The following MPRIP variants were observed in gnomAD, a reference collection of about 807,000 sequenced individuals.
MPRIP encodes the protein myosin phosphatase Rho interacting protein, also known as myosin phosphatase Rho-interacting protein.
A neutral mutation model predicts 234.9 loss-of-function variants in MPRIP; 59 were observed. That is an observed-to-expected ratio of 0.25 (90% CI 0.20 to 0.31). The LOEUF is 0.31. Ranked by LOEUF, MPRIP falls within the 10% of genes least tolerant of loss-of-function variation. MPRIP has a pLI of 1.00. For missense variants in MPRIP, 2,436 were observed against 3,071.0 expected, an observed-to-expected ratio of 0.79 and a Z score of 4.89; for synonymous variants, 1,144 against 1,263.9, an observed-to-expected ratio of 0.91 and a Z score of 2.01.
intron 1 of MPRIP, among the ~76,000 whole-genome samples, chr17:17,059,788 T>C (rs146587738): frequency 2.0e-3 from 311 of 152,290 alleles, no homozygotes; most frequent in African/African-American, 7.1e-3. Flanking sequence ...AGCAGCAGAA[T>C]GTGGGGATGG....
At chr17:17,081,864 G>T (rs2089469868) in intron 3 of MPRIP, among the ~76,000 whole-genome samples, 1 of 152,140 alleles carries the variant, frequency 6.6e-6, no homozygotes, top group Non-Finnish European at 1.5e-5. Context: ...TGGAGGAGAG[G>T]CAAATTTCCC....
At chr17:17,147,244 G>A in intron 10 of MPRIP, 75 bp from the exon 11 acceptor site, 1 of 1,431,248 alleles carries the variant, frequency 7.0e-7, no homozygotes, top group Non-Finnish European at 9.8e-7. Flanking sequence ...GGCTCTGGCT[G>A]CGCACCGCCG....
intron 21 of MPRIP, 69 bp downstream of exon 21, chr17:17,176,581 C>T: frequency 8.3e-7 from 1 of 1,211,688 alleles, no homozygotes; most frequent in South Asian, 1.2e-5. Context: ...CTCCTGAACT[C>T]AGGCTGGTGC....
chr17:17,175,491 T>TAA (rs2046236140), intron 20 of MPRIP, 79 bp downstream of exon 20: 2 of 1,449,984 alleles, frequency 1.4e-6, no homozygotes, highest in South Asian at 2.9e-5. Flanking sequence ...GCCCCTGTCT[T>TAA]ACAGGGTTGT....
intron 1 of MPRIP, among the ~76,000 whole-genome samples, chr17:17,061,404 G>A (rs1302353270): frequency 6.6e-6 from 1 of 152,226 alleles, no homozygotes; most frequent in African/African-American, 2.4e-5. Flanking sequence ...CTGTGAGTGT[G>A]GAAGTGTTTC....
intron 1 of MPRIP, among the ~76,000 whole-genome samples, chr17:17,070,481 G>A (rs1000531476): frequency 6.6e-6 from 1 of 152,158 alleles, no homozygotes; most frequent in Non-Finnish European, 1.5e-5. Flanking sequence ...TAGATGGGAT[G>A]ATTTCTGTTG....
At chr17:17,168,488 C>T in intron 16 of MPRIP, 5 of 286,160 alleles carry the variant, frequency 1.7e-5, no homozygotes, top group South Asian at 1.7e-4. Context: ...GCACAGCCTC[C>T]AGCCACTCCT....
rs536076863 is a variant in MPRIP, at chr17:17,101,599, C to CA, written c.267+23531dup. On this transcript the variant is annotated intron_variant, in intron 3 of 23. Coordinates refer to ENST00000651222, the MANE Select transcript of MPRIP (RefSeq NM_001364716.4). ...AAAAATTTTTTTTAAACAACAACAA[C>CA]AAAAAAAATATATATATAGTTACTT... Among the ~76,000 whole-genome samples the CA allele has an allele frequency of 6.6e-3, 953 of 143,572 alleles. 7 individuals are homozygous for CA. Among genetic ancestry groups the CA allele is most frequent in the African/African-American group, 0.023 (864 of 37,744 alleles). The allele number at this position is 143,572 out of a possible 152,430, so 94.2% of individuals were successfully genotyped here.
chr17:17,090,521 T>C (rs1265982256), intron 3 of MPRIP, among the ~76,000 whole-genome samples: 1 of 151,904 alleles, frequency 6.6e-6, no homozygotes, highest in Non-Finnish European at 1.5e-5. Context: ...GAAGCAGTGG[T>C]GTTGGGGTTC....
intron 4 of MPRIP, among the ~76,000 whole-genome samples, chr17:17,130,035 G>A (rs1472036370): frequency 1.3e-5 from 2 of 152,220 alleles, no homozygotes; most frequent in Non-Finnish European, 2.9e-5. Flanking sequence ...AGGCCTGCCT[G>A]TCTGCTGGCT....
At chr17:17,072,890 A>G (rs1013236497) in intron 1 of MPRIP, among the ~76,000 whole-genome samples, 2 of 152,042 alleles carry the variant, frequency 1.3e-5, no homozygotes, top group African/African-American at 4.8e-5. Flanking sequence ...TCCCCCTGTT[A>G]TCTATGGGGT....
At position 17,185,573 on chromosome 17, in the gene MPRIP, C is replaced by CTCCT. The variant is rs3833096; in HGVS notation, c.*700_*703dup. 0.12 allele frequency: 56,147 copies of CTCCT among 455,310 alleles called. 4,756 individuals carry two copies. Among genetic ancestry groups the CTCCT allele is most frequent in the East Asian group, 0.3 (4,266 of 14,234 alleles). 28.2% of individuals were successfully genotyped at this position (455,310 alleles called of 1,614,324 possible). A position where few individuals can be genotyped will look rare whatever the true frequency, so the allele number is the denominator to read the frequency against. ...ATCTTGCACAAAATCCCCGGCCCCT[C>CTCCT]TCCTTCCTTCCTTCCTTCCTTCCTC... is the stretch of plus-strand genomic sequence containing the variant. On this transcript the variant is annotated 3_prime_UTR_variant, in exon 24 of 24. Coordinates refer to ENST00000651222, the MANE Select transcript of MPRIP (RefSeq NM_001364716.4).
chr17:17,180,302 C>A (rs1051305740), intron 23 of MPRIP, among the ~76,000 whole-genome samples: 2 of 152,258 alleles, frequency 1.3e-5, no homozygotes, highest in Admixed American at 6.5e-5. Context: ...CACTGACAGG[C>A]CAGGGCTGTG....
rs762738806 is a variant in MPRIP at position 17,136,403 on chromosome 17, C to A, written c.689C>A (p.Pro230His). 1.9e-6 allele frequency: 3 copies of A among 1,610,022 alleles called. No individual in the cohort carries two copies. The East Asian group carries it at 6.7e-5, about 36-fold the overall frequency. Residue 230 changes from proline (P) to histidine (H), a missense_variant, in exon 6 of 24, where the codon CCT becomes CAT. Pro to His is a moderately conservative substitution (Grantham distance 77). Around this residue, in one of 4 missense-constraint regions of MPRIP, gnomAD observed 267 missense variants for 252.7 expected, o/e 1.06. Transcript: ENST00000651222. ...SPAQSPSQSQ[P>H]PAASSLREPG... ...GCTCAGAGTCCCAGCCAGAGCCAGC[C>A]TCCTGCTGCCAGCTCCCTGCGGGAA...
At chr17:17,122,908 C>G (rs1486146787) in intron 3 of MPRIP, among the ~76,000 whole-genome samples, 2 of 152,162 alleles carry the variant, frequency 1.3e-5, no homozygotes, top group Non-Finnish European at 2.9e-5. Context: ...CACAGGAGCA[C>G]TGTACAGGAA....
intron 1 of MPRIP, among the ~76,000 whole-genome samples, chr17:17,059,008 C>T (rs920298590): frequency 7.2e-5 from 11 of 152,102 alleles, no homozygotes; most frequent in African/African-American, 2.7e-4. Flanking sequence ...GCCCTCAGAA[C>T]GCTTTAGTTT....
rs1455390090 is a variant in MPRIP, at chr17:17,078,667, A to C, written c.267+591A>C. Among the ~76,000 whole-genome samples the C allele has an allele frequency of 1.3e-5, 2 of 152,114 alleles. No homozygotes were observed. The highest frequency in any genetic ancestry group is 2.9e-5 in the Non-Finnish European group (2 of 68,012). ...TTCCAGTTGCTTCCTGGGCTGGATG[A>C]GTGTTTGCTGCTGTTGCCCCAGAGG... On this transcript the variant is annotated intron_variant, in intron 3 of 23. Coordinates refer to ENST00000651222, the MANE Select transcript of MPRIP (RefSeq NM_001364716.4). This position sits in a 1 kb window ranked among gnomAD's most constrained non-coding sequence, Gnocchi z 4.3.
intron 3 of MPRIP, chr17:17,097,002 AG>A: frequency 3.0e-6 from 1 of 335,898 alleles, no homozygotes; most frequent in South Asian, 2.3e-5. Flanking sequence ...TATCGTAGCC[AG>A]GCTGGCAGCC....
intron 1 of MPRIP, among the ~76,000 whole-genome samples, chr17:17,066,629 AG>A (rs1157758807): frequency 4.0e-5 from 6 of 149,056 alleles, no homozygotes; most frequent in African/African-American, 1.5e-4. Flanking sequence ...AACCACGGAT[AG>A]TACTGAACCT....
Sources: allele counts gnomAD v4.1 joint callset (sites outside exome capture counted in the v4.1 genomes callset), GRCh38; gene constraint gnomAD v4.1.1; regional missense constraint gnomAD v4.1.1; non-coding constraint Gnocchi (gnomAD v3.1); transcripts MANE v1.5; gene names NCBI Gene and HGNC (gene_info 2026-07-23, HGNC 2026-07-21).